The following MRPL48 variants were observed in gnomAD, a reference collection of about 807,000 sequenced individuals.
MRPL48 encodes mitochondrial ribosomal protein L48.
A neutral mutation model predicts 32.9 loss-of-function variants in MRPL48; 16 were observed. The ratio of observed to expected loss-of-function variants is 0.49; its 90% CI spans 0.33 to 0.74. The LOEUF is 0.74. Among genes scored for constraint, MRPL48 ranks in the 30% least tolerant of loss-of-function variants. The pLI is 0.02. For missense variants in MRPL48, 206 were observed against 245.3 expected (o/e 0.84, Z 1.07); for synonymous variants, 94 against 89.2 (o/e 1.05, Z -0.31).
intron 4 of MRPL48, among the ~76,000 whole-genome samples, chr11:73,828,542 A>G (rs1464366344): frequency 6.6e-6 from 1 of 152,210 alleles, no homozygotes; most frequent in East Asian, 1.9e-4. Flanking sequence ...ATAATTTTAC[A>G]AAATGGATGA....
intron 1 of MRPL48, among the ~76,000 whole-genome samples, chr11:73,793,599 C>T (rs1272280247): frequency 6.6e-6 from 1 of 151,994 alleles, no homozygotes; most frequent in Non-Finnish European, 1.5e-5. Flanking sequence ...GTGTAAAGGT[C>T]CTGAAATGAG....
At chr11:73,793,056 G>A (rs950421408) in intron 1 of MRPL48, among the ~76,000 whole-genome samples, 6 of 152,120 alleles carry the variant, frequency 3.9e-5, no homozygotes, top group Admixed American at 1.3e-4. Flanking sequence ...TGTCTTCATG[G>A]TGCTTATGTA....
chr11:73,808,215 A>C, intron 2 of MRPL48, 98 bp from the exon 3 acceptor site: 1 of 1,180,646 alleles, frequency 8.5e-7, no homozygotes, highest in Non-Finnish European at 1.2e-6. Context: ...AGGAAACAGC[A>C]TTGATGCATC....
Position 73,844,868 on chromosome 11 carries a change from A to G in MRPL48, c.263A>G (p.Tyr88Cys). ...ATTAATTTGGGGACAGATTATGAAT[A>G]TGGGGTTTTAAATATTCATCTGACT... Reference protein sequence around the residue: ...RAINLGTDYEYGVLNIHLTAY... With the variant: ...RAINLGTDYECGVLNIHLTAY... Residue 88 changes from tyrosine (Y) to cysteine (C), a missense_variant, in exon 5 of 8, where the codon TAT (tyrosine) becomes TGT (cysteine). By Grantham distance (194) the Tyr-to-Cys change is radical (BLOSUM62 -2). Transcript: ENST00000310614. 6.2e-7 allele frequency: 1 copy of G among 1,613,938 alleles called. No individual in the cohort carries two copies. The highest frequency in any genetic ancestry group is 8.5e-7 in the Non-Finnish European group (1 of 1,179,858).
chr11:73,832,163 A>T (rs939897011), intron 4 of MRPL48, among the ~76,000 whole-genome samples: 1 of 152,112 alleles, frequency 6.6e-6, no homozygotes, highest in Non-Finnish European at 1.5e-5. Flanking sequence ...ATATGTTCTC[A>T]TTTCCAGGCC....
intron 6 of MRPL48, among the ~76,000 whole-genome samples, chr11:73,860,645 C>A (rs569477855): frequency 1.8e-4 from 27 of 152,206 alleles, no homozygotes; most frequent in African/African-American, 5.5e-4. Flanking sequence ...ATGAGAGTAC[C>A]CAGAGGTATA....
chr11:73,805,090 T>C lies in MRPL48; in HGVS notation c.74+11T>C. Reference sequence around the variant, plus strand: ...CTTTTCTCTCTTAAGGTAAGAATATTAAAAACAATAATTAAATATAGGTAA... The same window carrying C: ...CTTTTCTCTCTTAAGGTAAGAATATCAAAAACAATAATTAAATATAGGTAA... On this transcript the variant is annotated intron_variant, in intron 2 of 7. Coordinates refer to ENST00000310614, the MANE Select transcript of MRPL48 (RefSeq NM_016055.6). 1.9e-6 allele frequency: 3 copies of C among 1,550,816 alleles called. No individual in the cohort carries two copies. Among genetic ancestry groups the C allele is most frequent in the Non-Finnish European group, 2.6e-6 (3 of 1,144,568 alleles).
chr11:73,824,225 T>G (rs1295053335), intron 3 of MRPL48, among the ~76,000 whole-genome samples: 2 of 152,118 alleles, frequency 1.3e-5, no homozygotes, highest in African/African-American at 4.8e-5. Context: ...TTGTTTTTGT[T>G]GTTGTTCACT....
intron 4 of MRPL48, among the ~76,000 whole-genome samples, chr11:73,839,016 G>T (rs1486835335): frequency 6.6e-6 from 1 of 152,218 alleles, no homozygotes; most frequent in African/African-American, 2.4e-5. Flanking sequence ...CCCTGTGCTA[G>T]ATAGGAGGAA....
At chr11:73,817,801 T>C in intron 3 of MRPL48, 1 of 403,618 alleles carries the variant, frequency 2.5e-6, no homozygotes, top group Non-Finnish European at 4.9e-6. Flanking sequence ...TTTTTGTTGT[T>C]GTTGTTGTTT....
At chr11:73,838,046 G>T (rs12799849) in intron 4 of MRPL48, among the ~76,000 whole-genome samples, 8,337 of 152,088 alleles carry the variant, frequency 0.055, 252 homozygotes, top group Middle Eastern at 0.11. Context: ...TAGAGATGGG[G>T]TTTCACCATG....
chr11:73,811,139 G>A (rs548129415), intron 3 of MRPL48, among the ~76,000 whole-genome samples: 7 of 152,266 alleles, frequency 4.6e-5, no homozygotes, highest in East Asian at 1.9e-4. Context: ...AGAGGAGAGC[G>A]TTTCAAGAAG....
intron 3 of MRPL48, among the ~76,000 whole-genome samples, chr11:73,814,227 C>CA (rs888981451): frequency 5.1e-4 from 73 of 144,070 alleles, no homozygotes; most frequent in Admixed American, 2.2e-3. Context: ...TCCATCTCTA[C>CA]AAAAAAAAAA....
At chr11:73,798,994 C>A (rs1319503320) in intron 1 of MRPL48, among the ~76,000 whole-genome samples, 96 of 128,318 alleles carry the variant, frequency 7.5e-4, no homozygotes, top group African/African-American at 8.2e-4. Flanking sequence ...CCCTCTCAAG[C>A]AAAAAAAAAA....
At position 73,825,780 on chromosome 11, in the gene MRPL48, T is replaced by G; in HGVS notation, c.185T>G (p.Leu62Ter). ...PTHGIGKYKH[L>*]IKAEEPKKKK... is the part of the protein sequence containing the mutation. Reference sequence around the variant, plus strand: ...CACGGCATTGGAAAGTACAAGCACTTAATTAAAGCAGAAGAGGTAACGGGC... The same window carrying G: ...CACGGCATTGGAAAGTACAAGCACTGAATTAAAGCAGAAGAGGTAACGGGC... The change falls in exon 4 of 8, where the codon TTA (leucine) becomes TGA (stop). Residue 62 changes from leucine (L) to a stop codon, truncating the protein, a stop_gained. Coordinates refer to ENST00000310614, the MANE Select transcript of MRPL48 (RefSeq NM_016055.6). LOFTEE classifies it high-confidence loss of function. The G allele has an allele frequency of 6.4e-7, 1 of 1,565,162 alleles. No individual in the cohort carries two copies. The highest frequency in any genetic ancestry group is 8.7e-7 in the Non-Finnish European group (1 of 1,154,868).
chr11:73,839,431 A>G (rs917357838), intron 4 of MRPL48, among the ~76,000 whole-genome samples: 134 of 152,180 alleles, frequency 8.8e-4, no homozygotes, highest in Non-Finnish European at 1.4e-3. Flanking sequence ...TTATTAGGAC[A>G]TGGTGGTATT....
chr11:73,816,341 T>G (rs1439807158), intron 3 of MRPL48, among the ~76,000 whole-genome samples: 1 of 151,742 alleles, frequency 6.6e-6, no homozygotes, highest in African/African-American at 2.4e-5. Context: ...GATACAGGCG[T>G]GAGCCACCGT....
intron 1 of MRPL48, among the ~76,000 whole-genome samples, chr11:73,791,043 G>A (rs142608330): frequency 0.01 from 1,561 of 151,774 alleles, 27 homozygotes; most frequent in African/African-American, 0.036. Context: ...CTGCCACCAC[G>A]CCTGGCTAAT....
intron 3 of MRPL48, 107 bp downstream of exon 3, chr11:73,808,457 C>A: frequency 8.9e-7 from 1 of 1,119,624 alleles, no homozygotes; most frequent in Non-Finnish European, 1.3e-6. Flanking sequence ...GAACAGTGGC[C>A]TGAACCAAAC....
Sources: allele counts gnomAD v4.1 joint callset (sites outside exome capture counted in the v4.1 genomes callset), GRCh38; gene constraint gnomAD v4.1.1; transcripts MANE v1.5; gene names NCBI Gene and HGNC (gene_info 2026-07-23, HGNC 2026-07-21).